The following KIAA1328 variants were observed in gnomAD, a reference collection of about 807,000 sequenced individuals.
KIAA1328 encodes KIAA1328, also known as protein hinderin.
KIAA1328 carries 52 observed loss-of-function variants against 68.1 expected under a neutral mutation model. The observed-to-expected ratio is 0.76, with a 90% CI of 0.61 to 0.96. The LOEUF (loss-of-function observed/expected upper bound fraction) is 0.96, where lower values mean the gene tolerates loss of function less well. Among genes scored for constraint, KIAA1328 ranks in the 40% least tolerant of loss-of-function variants. The pLI is 0.00. For synonymous variants in KIAA1328, 232 were observed against 239.4 expected (o/e 0.97, Z 0.28); for missense variants, 641 against 677.6 (o/e 0.95, Z 0.60).
chr18:37,079,760 G>T (rs565330375), intron 7 of KIAA1328, among the ~76,000 whole-genome samples: 1 of 151,586 alleles, frequency 6.6e-6, no homozygotes, highest in Admixed American at 6.6e-5. Context: ...GGTGGTGGGC[G>T]CCTGTAATCC....
intron 7 of KIAA1328, among the ~76,000 whole-genome samples, chr18:37,124,739 A>G (rs1167637335): frequency 2.0e-5 from 3 of 152,096 alleles, no homozygotes; most frequent in African/African-American, 7.2e-5. Context: ...TGTTCTAACC[A>G]CAGTGGTCCT....
intron 4 of KIAA1328, among the ~76,000 whole-genome samples, chr18:36,878,237 A>T (rs1162336740): frequency 6.6e-6 from 1 of 152,120 alleles, no homozygotes; most frequent in African/African-American, 2.4e-5. Flanking sequence ...AAAATCTCTC[A>T]GGGTTTGCTT....
chr18:37,194,797 A>G (rs2154218138), intron 9 of KIAA1328, among the ~76,000 whole-genome samples: 1 of 152,226 alleles, frequency 6.6e-6, no homozygotes, highest in Non-Finnish European at 1.5e-5. Flanking sequence ...AGTAGCTGAG[A>G]TGACAGGTGT....
At chr18:36,881,527 G>T (rs1210188575) in intron 4 of KIAA1328, among the ~76,000 whole-genome samples, 1 of 152,048 alleles carries the variant, frequency 6.6e-6, no homozygotes, top group Non-Finnish European at 1.5e-5. Context: ...ATTCACAGTT[G>T]TGTACCCATC....
chr18:37,087,550 A>G (rs1052734399), intron 7 of KIAA1328, among the ~76,000 whole-genome samples: 15 of 152,120 alleles, frequency 9.9e-5, no homozygotes, highest in African/African-American at 2.2e-4. Context: ...TTTTTCCACA[A>G]ATGTCTGATG....
intron 6 of KIAA1328, among the ~76,000 whole-genome samples, chr18:36,996,863 A>G (rs2053411674): frequency 6.6e-6 from 1 of 152,212 alleles, no homozygotes; most frequent in African/African-American, 2.4e-5. Flanking sequence ...TATCTTGGCA[A>G]GTTTTTAGGA....
At chr18:37,227,506 A>G (rs1471978778), downstream of KIAA1328, among the ~76,000 whole-genome samples, 2 of 152,228 alleles carry the variant, frequency 1.3e-5, no homozygotes, top group Admixed American at 1.3e-4. Context: ...CCCATTTACA[A>G]TTCCGAAAAT....
At chr18:37,025,383 T>C (rs1024416125) in intron 6 of KIAA1328, among the ~76,000 whole-genome samples, 9 of 152,188 alleles carry the variant, frequency 5.9e-5, no homozygotes, top group Admixed American at 5.9e-4. Context: ...CTAATAGACA[T>C]ATACAGAACT....
chr18:36,854,877 C>T (rs1304897306), intron 4 of KIAA1328, among the ~76,000 whole-genome samples: 4 of 152,060 alleles, frequency 2.6e-5, no homozygotes, highest in African/African-American at 9.7e-5. Context: ...CTGTTGATTA[C>T]CTATTCTTGA....
intron 5 of KIAA1328, among the ~76,000 whole-genome samples, chr18:36,930,978 T>C (rs1344520661): frequency 1.3e-5 from 2 of 152,104 alleles, no homozygotes; most frequent in African/African-American, 4.8e-5. Context: ...AGCTTAGGGC[T>C]CTACTTTTTG....
chr18:37,116,903 T>C (rs188128373), intron 7 of KIAA1328, among the ~76,000 whole-genome samples: 1 of 152,196 alleles, frequency 6.6e-6, no homozygotes, highest in African/African-American at 2.4e-5. Context: ...AACAGACATA[T>C]GAAAAAATGC....
At chr18:36,930,630 T>C (rs1183998300) in intron 5 of KIAA1328, among the ~76,000 whole-genome samples, 1 of 152,144 alleles carries the variant, frequency 6.6e-6, no homozygotes, top group Non-Finnish European at 1.5e-5. Flanking sequence ...GCATTTTGAT[T>C]CTTACAAAGA....
chr18:37,167,243 C>T (rs2059407640), intron 8 of KIAA1328, among the ~76,000 whole-genome samples: 1 of 152,116 alleles, frequency 6.6e-6, no homozygotes, highest in Non-Finnish European at 1.5e-5. Context: ...TGGGCATTTG[C>T]TGCCGTGTGC....
rs181862284 is a variant in KIAA1328, at chr18:37,206,903, T to A, written c.1524-15114T>A. Among the ~76,000 whole-genome samples, 3 of 152,288 alleles carry A rather than the reference T, an allele frequency of 2.0e-5. No individual in the cohort carries two copies. The East Asian group carries it at 5.8e-4, about 29-fold the overall frequency. On this transcript the variant is annotated intron_variant, in intron 9 of 9. Coordinates refer to ENST00000280020, the MANE Select transcript of KIAA1328 (RefSeq NM_020776.3). ...GGTTTTTTCAAACCTTTGAAAATAA[T>A]AAAGTACAGATTCATCTGACCTTTG...
At chr18:37,061,246 A>G (rs886937347) in intron 6 of KIAA1328, among the ~76,000 whole-genome samples, 12 of 152,244 alleles carry the variant, frequency 7.9e-5, no homozygotes, top group African/African-American at 2.2e-4. Context: ...GACATACTCT[A>G]TGATTGCATT....
chr18:36,973,830 T>TACACACACACACACACACACACACACAC (rs111392122), intron 6 of KIAA1328, among the ~76,000 whole-genome samples: 1 of 147,276 alleles, frequency 6.8e-6, no homozygotes. Context: ...CACACACACA[T>TACACACACACACACACACACACACACAC]ACACACACAC....
At chr18:36,855,841 TGA>T (rs2047364846) in intron 4 of KIAA1328, among the ~76,000 whole-genome samples, 1 of 151,992 alleles carries the variant, frequency 6.6e-6, no homozygotes, top group Non-Finnish European at 1.5e-5. Context: ...TAATTCATTT[TGA>T]GTTAATTTTT....
At chr18:36,877,902 T>TG (rs2048191892) in intron 4 of KIAA1328, among the ~76,000 whole-genome samples, 1 of 151,796 alleles carries the variant, frequency 6.6e-6, no homozygotes, top group Non-Finnish European at 1.5e-5. Flanking sequence ...CTCCTGACCT[T>TG]GCGATCCACC....
Position 37,149,226 on chromosome 18 carries a change from T to C in KIAA1328, c.1233-10974T>C, listed in dbSNP as rs947175509. 7.9e-5 allele frequency among the ~76,000 whole-genome samples: 12 copies of C among 152,150 alleles called. 1 individual carries two copies. The East Asian group carries it at 2.3e-3, about 29-fold the overall frequency. On this transcript the variant is annotated intron_variant, in intron 7 of 9. Coordinates refer to ENST00000280020, the MANE Select transcript of KIAA1328 (RefSeq NM_020776.3). ...GTACAAAGACAAACACATGGACCAA[T>C]GGAACAGAATAGAAGACACAGAAAT...
Sources: allele counts gnomAD v4.1 joint callset (sites outside exome capture counted in the v4.1 genomes callset), GRCh38; gene constraint gnomAD v4.1.1; transcripts MANE v1.5; gene names NCBI Gene and HGNC (gene_info 2026-07-23, HGNC 2026-07-21).